The following ATP2A3 variants were observed in gnomAD, a reference collection of about 807,000 sequenced individuals.
ATP2A3 encodes the protein sarcoplasmic/endoplasmic reticulum calcium ATPase 3.
In ATP2A3, 61 loss-of-function variants were observed where a neutral mutation model predicts 106.8. The observed-to-expected ratio is 0.57, with a 90% CI of 0.46 to 0.71. The LOEUF is 0.71. Among genes scored for constraint, ATP2A3 ranks in the 30% least tolerant of loss-of-function variants. ATP2A3 has a pLI of 0.00. For missense variants in ATP2A3, 1,201 were observed against 1,423.5 expected, an observed-to-expected ratio of 0.84 and a Z score of 2.52; for synonymous variants, 611 against 609.3, an observed-to-expected ratio of 1.00 and a Z score of -0.04.
At position 3,947,775 on chromosome 17, in the gene ATP2A3, G is replaced by A. The variant is rs1235228438; in HGVS notation, c.711C>T (p.Ser237=). The A allele has an allele frequency of 3.1e-6, 5 of 1,603,110 alleles. No individual in the cohort carries two copies. Among genetic ancestry groups the A allele is most frequent in the Non-Finnish European group, 4.2e-6 (5 of 1,179,822 alleles). Residue 237 remains serine, a synonymous_variant, in exon 8 of 21, where the codon AGC becomes AGT. Transcript: ENST00000397041. This position sits in a 1 kb window ranked among gnomAD's most constrained non-coding sequence, Gnocchi z 7.7. ...GCTCGGGCTCGACTGCCGCCATCTG[G>A]CTCCGGATCTTGCCCAGCTCCGTGT... ...GLHTELGKIR[S]QMAAVEPERT...
Position 3,925,871 on chromosome 17 carries a change from G to A in ATP2A3, c.2981-430C>T, listed in dbSNP as rs181060827. ...AGGCCTCAAGGCCTCAAGGCCTGCCGCCCTGCCCCCAGCCCCAGTCTTACC... is the reference window on the plus strand; with the variant it reads ...AGGCCTCAAGGCCTCAAGGCCTGCCACCCTGCCCCCAGCCCCAGTCTTACC... On this transcript the variant is annotated intron_variant, in intron 20 of 20. Coordinates refer to ENST00000397041, the MANE Select transcript of ATP2A3 (RefSeq NM_005173.4). This position sits in a 1 kb window ranked among gnomAD's most constrained non-coding sequence, Gnocchi z 4.2. Among the ~76,000 whole-genome samples, 805 of 151,822 alleles carry A rather than the reference G, an allele frequency of 5.3e-3. 7 individuals are homozygous for A. The highest frequency in any genetic ancestry group is 0.018 in the African/African-American group (740 of 41,362).
At chr17:3,931,617 G>T (rs1461674377) in intron 17 of ATP2A3, among the ~76,000 whole-genome samples, 2 of 151,780 alleles carry the variant, frequency 1.3e-5, no homozygotes, top group African/African-American at 2.4e-5. Context: ...CGCCTCCCGG[G>T]TTCACGCCAT....
Position 3,926,930 on chromosome 17 carries a change from C to T in ATP2A3, c.2981-1489G>A, listed in dbSNP as rs111900440. The T allele has an allele frequency of 1.2e-3, 1,200 of 985,472 alleles. 12 individuals carry two copies. The African/African-American group carries it at 0.019, about 16-fold the overall frequency. The allele number at this position is 985,472 out of a possible 1,614,324, so 61.0% of individuals were successfully genotyped here. ...TGACACAGTCCGCACCGTGCTTACA[C>T]TCCTCCCGTGCTTCCCCACTGCCCT... On this transcript the variant is annotated intron_variant, in intron 20 of 20. Coordinates refer to ENST00000397041, the MANE Select transcript of ATP2A3 (RefSeq NM_005173.4). The surrounding 1 kb of genome is among the most constrained non-coding windows in gnomAD (Gnocchi z 4.6).
intron 12 of ATP2A3, among the ~76,000 whole-genome samples, chr17:3,942,001 C>T (rs532742490): frequency 2.0e-5 from 3 of 152,278 alleles, no homozygotes; most frequent in East Asian, 1.9e-4. Context: ...TGGTGCTACT[C>T]GGGTTCCAAT....
At chr17:3,942,297 C>T (rs887440175) in intron 12 of ATP2A3, among the ~76,000 whole-genome samples, 2 of 152,244 alleles carry the variant, frequency 1.3e-5, no homozygotes, top group Admixed American at 1.3e-4. Flanking sequence ...GGGGTTTAAA[C>T]TTCCCTTGCA....
Position 3,926,596 on chromosome 17 carries a change from G to C in ATP2A3, c.2981-1155C>G, listed in dbSNP as rs537859411. ...TTTTGGGGGAGAGTGGGGGAACAGAGTTTTGCTCTGTCACCCAGGCTGGAG... is the reference window on the plus strand; with the variant it reads ...TTTTGGGGGAGAGTGGGGGAACAGACTTTTGCTCTGTCACCCAGGCTGGAG... On this transcript the variant is annotated intron_variant, in intron 20 of 20. Transcript: ENST00000397041. This position sits in a 1 kb window ranked among gnomAD's most constrained non-coding sequence, Gnocchi z 4.6. Among the ~76,000 whole-genome samples the C allele has an allele frequency of 5.8e-4, 88 of 152,302 alleles. 1 individual carries two copies. The highest frequency in any genetic ancestry group is 2.0e-3 in the African/African-American group (84 of 41,562).
At chr17:3,938,366 G>A (rs568320648) in intron 14 of ATP2A3, among the ~76,000 whole-genome samples, 3 of 151,982 alleles carry the variant, frequency 2.0e-5, no homozygotes, top group Admixed American at 6.5e-5. Context: ...CCCGGGAGGC[G>A]GAGGTTGCAG....
chr17:3,949,544 G>A (rs1403830376), intron 7 of ATP2A3, among the ~76,000 whole-genome samples: 1 of 152,176 alleles, frequency 6.6e-6, no homozygotes, highest in Non-Finnish European at 1.5e-5. Flanking sequence ...CCTTCTCCAG[G>A]GGAAGGCAGG....
intron 1 of ATP2A3, among the ~76,000 whole-genome samples, chr17:3,962,855 C>A (rs913280459): frequency 6.6e-6 from 1 of 152,218 alleles, no homozygotes; most frequent in Non-Finnish European, 1.5e-5. Context: ...GGCAGTGGGA[C>A]CGCAGACCTG....
chr17:3,951,558 G>GGCCCCCCCCCA, intron 4 of ATP2A3, 23 bp downstream of exon 4: 1 of 716,234 alleles, frequency 1.4e-6, no homozygotes, highest in Non-Finnish European at 2.1e-6. Flanking sequence ...CCCCCGCCCG[G>GGCCCCCCCCCA]TCCCACCCCC....
intron 7 of ATP2A3, among the ~76,000 whole-genome samples, chr17:3,948,784 C>T (rs547811311): frequency 2.6e-5 from 4 of 152,200 alleles, no homozygotes; most frequent in African/African-American, 9.6e-5. Flanking sequence ...TCCCTCCCCA[C>T]CCCAAGGCAT....
intron 1 of ATP2A3, among the ~76,000 whole-genome samples, chr17:3,954,460 C>A (rs1261863257): frequency 2.7e-5 from 4 of 146,810 alleles, no homozygotes; most frequent in Non-Finnish European, 6.0e-5. Flanking sequence ...AACACTGTTT[C>A]CAAACTCTAA....
At chr17:3,963,681 G>GC (rs2055268084) in intron 1 of ATP2A3, among the ~76,000 whole-genome samples, 1 of 152,192 alleles carries the variant, frequency 6.6e-6, no homozygotes, top group Non-Finnish European at 1.5e-5. Context: ...GGGGGTGGGG[G>GC]CCCCAAGGCT....
rs569967363 is a variant in ATP2A3, at chr17:3,934,743, G to A, written c.2610+449C>T. Among the ~76,000 whole-genome samples, 4 of 151,418 alleles carry A rather than the reference G, an allele frequency of 2.6e-5. No homozygotes were observed. In the East Asian group the frequency reaches 5.9e-4, roughly 22 times the overall value. On this transcript the variant is annotated intron_variant, in intron 17 of 20. Transcript: ENST00000397041. ...TTCACCTCGTTGGACGGCTGGTCTC[G>A]AACTCCTGACCTCAGGTGGTCCACC...
Position 3,964,377 on chromosome 17 carries a change from G to C in ATP2A3, c.-86C>G. The C allele has an allele frequency of 2.8e-6, 2 of 711,870 alleles. No individual in the cohort carries two copies. The highest frequency in any genetic ancestry group is 3.6e-6 in the Non-Finnish European group (2 of 561,032). The allele number at this position is 711,870 out of a possible 1,614,324, so 44.1% of individuals were successfully genotyped here. A position where few individuals can be genotyped will look rare whatever the true frequency, so the allele number is the denominator to read the frequency against. On this transcript the variant is annotated 5_prime_UTR_variant, in exon 1 of 21. Transcript: ENST00000397041. The stretch of plus-strand genomic sequence containing the variant: ...TACAAAGCGGGGCGCGGGGGACTCG[G>C]GCCCGGGCGGGCGCCGCGCGAGGCC...
At chr17:3,935,418 C>A in intron 16 of ATP2A3, 141 bp from the exon 17 acceptor site, 1 of 763,898 alleles carries the variant, frequency 1.3e-6, no homozygotes, top group Non-Finnish European at 2.2e-6. Context: ...GGCACCTCCC[C>A]TCGATGCCAG....
At chr17:3,942,202 C>T (rs1034400544) in intron 12 of ATP2A3, among the ~76,000 whole-genome samples, 2 of 152,188 alleles carry the variant, frequency 1.3e-5, no homozygotes, top group African/African-American at 2.4e-5. Context: ...CCTTCAGTGG[C>T]TTCTCCTGCT....
At chr17:3,934,725 C>T (rs1411998684) in intron 17 of ATP2A3, among the ~76,000 whole-genome samples, 1 of 150,976 alleles carries the variant, frequency 6.6e-6, no homozygotes, top group Non-Finnish European at 1.5e-5. Flanking sequence ...GGTTTCACCT[C>T]GTTGGACGGC....
In ATP2A3 at chr17:3,936,484, T is replaced by G. The variant is rs773398787; in HGVS notation, c.2322-15A>C. 8.1e-6 allele frequency: 13 copies of G among 1,613,402 alleles called. No homozygotes were observed. The East Asian group carries it at 2.9e-4, about 36-fold the overall frequency. ...TGAGGAAGATGCTGGAACAGAGTCA[T>G]GAGCTCTAGCCCCGGTAGGCCTAGC... On this transcript the variant is annotated splice_polypyrimidine_tract_variant and intron_variant, in intron 15 of 20. Coordinates refer to ENST00000397041, the MANE Select transcript of ATP2A3 (RefSeq NM_005173.4). The surrounding 1 kb of genome is among the most constrained non-coding windows in gnomAD (Gnocchi z 5.4).
Sources: allele counts gnomAD v4.1 joint callset (sites outside exome capture counted in the v4.1 genomes callset), GRCh38; gene constraint gnomAD v4.1.1; non-coding constraint Gnocchi (gnomAD v3.1); transcripts MANE v1.5; gene names NCBI Gene and HGNC (gene_info 2026-07-23, HGNC 2026-07-21).